DDAH1: variants seen among roughly 807,000 people sequenced by gnomAD.
DDAH1 encodes N(G),N(G)-dimethylarginine dimethylaminohydrolase 1.
A neutral mutation model predicts 28.8 loss-of-function variants in DDAH1; 19 were observed. The observed-to-expected ratio is 0.66, with a 90% CI of 0.46 to 0.97. The LOEUF is 0.97. Ranked by LOEUF, DDAH1 falls within the 50% of genes least tolerant of loss-of-function variation. The probability of loss-of-function intolerance (pLI) is 0.00; values close to 1 mark genes in which losing one functional copy is unlikely to be tolerated. For synonymous variants in DDAH1, 153 were observed against 154.4 expected, an observed-to-expected ratio of 0.99 and a Z score of 0.07; for missense variants, 326 against 375.9, an observed-to-expected ratio of 0.87 and a Z score of 1.10.
At chr1:85,371,096 C>T (rs1294492945) in intron 1 of DDAH1, among the ~76,000 whole-genome samples, 2 of 152,118 alleles carry the variant, frequency 1.3e-5, no homozygotes, top group Admixed American at 6.6e-5. Flanking sequence ...ATTACTGTTG[C>T]GAAGTTTGGT....
At chr1:85,401,796 CCTGA>C (rs796850229) in intron 1 of DDAH1, among the ~76,000 whole-genome samples, 15 of 152,170 alleles carry the variant, frequency 9.9e-5, no homozygotes, top group African/African-American at 3.1e-4. Context: ...AGCCACTGCA[CCTGA>C]CTAAGAAGCA....
At chr1:85,414,131 A>G (rs1234386419) in intron 1 of DDAH1, among the ~76,000 whole-genome samples, 9 of 152,178 alleles carry the variant, frequency 5.9e-5, no homozygotes, top group Admixed American at 3.9e-4. Context: ...TGGCATAGAG[A>G]GAGACAAATA....
chr1:85,324,608 T>G, intron 5 of DDAH1, 132 bp downstream of exon 5: 2 of 1,024,788 alleles, frequency 2.0e-6, no homozygotes, highest in Non-Finnish European at 2.8e-6. Flanking sequence ...TGCCCTAAAT[T>G]GTATTATCCT....
chr1:85,332,457 G>A (rs1647835390), intron 4 of DDAH1, among the ~76,000 whole-genome samples: 1 of 152,212 alleles, frequency 6.6e-6, no homozygotes, highest in Non-Finnish European at 1.5e-5. Context: ...CTTCACACTA[G>A]CATGTGTCCT....
chr1:85,451,397 A>C (rs748078989), intron 1 of DDAH1, among the ~76,000 whole-genome samples: 9 of 152,212 alleles, frequency 5.9e-5, no homozygotes, highest in African/African-American at 9.6e-5. Flanking sequence ...TACTCTGTGC[A>C]TGGTACTGCT....
intron 1 of DDAH1, among the ~76,000 whole-genome samples, chr1:85,455,291 A>G (rs778257771): frequency 3.9e-5 from 6 of 152,202 alleles, no homozygotes; most frequent in Non-Finnish European, 8.8e-5. Flanking sequence ...TTTTTCTTCC[A>G]TTACTATTTT....
chr1:85,431,394 G>C (rs1056006729), intron 1 of DDAH1, among the ~76,000 whole-genome samples: 5 of 152,178 alleles, frequency 3.3e-5, no homozygotes, highest in African/African-American at 1.2e-4. Context: ...TAGGACAGTT[G>C]TGCAGGGCAC....
intron 4 of DDAH1, 105 bp from the exon 5 acceptor site, chr1:85,324,988 T>G: frequency 2.3e-6 from 3 of 1,315,198 alleles, no homozygotes; most frequent in Non-Finnish European, 3.1e-6. Context: ...CACTTTAGGC[T>G]GTTCCTCTGT....
At position 85,352,095 on chromosome 1, in the gene DDAH1, T is replaced by A. The variant is rs545251805; in HGVS notation, c.404-516A>T. Among the ~76,000 whole-genome samples the A allele has an allele frequency of 7.9e-5, 12 of 152,296 alleles. No individual in the cohort carries two copies. In the South Asian group the frequency reaches 8.3e-4, roughly 11 times the overall value. ...CAGTAAAACAGTTCCTCAAATAACATCATTTTGCTCAACTTTGATGAGGAA... is the reference window on the plus strand; with the variant it reads ...CAGTAAAACAGTTCCTCAAATAACAACATTTTGCTCAACTTTGATGAGGAA... On this transcript the variant is annotated intron_variant, in intron 2 of 5. Transcript: ENST00000284031.
intron 2 of DDAH1, among the ~76,000 whole-genome samples, chr1:85,490,330 GA>G (rs1353286085): frequency 6.6e-6 from 1 of 152,152 alleles, no homozygotes; most frequent in Non-Finnish European, 1.5e-5. Flanking sequence ...AAATGAGTGG[GA>G]AAATAATGAT....
chr1:85,330,618 C>A (rs753635653), intron 4 of DDAH1, among the ~76,000 whole-genome samples: 1 of 152,200 alleles, frequency 6.6e-6, no homozygotes, highest in Non-Finnish European at 1.5e-5. Flanking sequence ...AGACTCAACT[C>A]TGAATGATAC....
chr1:85,416,917 A>G (rs1453608089), intron 1 of DDAH1, among the ~76,000 whole-genome samples: 1 of 151,822 alleles, frequency 6.6e-6, no homozygotes, highest in Non-Finnish European at 1.5e-5. Flanking sequence ...ATCTGTCTGC[A>G]TTGGCCTCCC....
intron 2 of DDAH1, among the ~76,000 whole-genome samples, chr1:85,487,937 A>T (rs1183094153): frequency 6.6e-6 from 1 of 152,162 alleles, no homozygotes; most frequent in Non-Finnish European, 1.5e-5. Flanking sequence ...TGATCCCAGC[A>T]CTTTGGGAAG....
At position 85,457,410 on chromosome 1, in the gene DDAH1, C is replaced by T. The variant is rs554995884; in HGVS notation, c.303+7333G>A. Among the ~76,000 whole-genome samples, 9 of 152,146 alleles carry T rather than the reference C, an allele frequency of 5.9e-5. No individual in the cohort carries two copies. In the South Asian group the frequency reaches 1.0e-3, roughly 18 times the overall value. On this transcript the variant is annotated intron_variant, in intron 1 of 5. Transcript: ENST00000284031. ...TGAGGTCTGTCATAAAATCTGCCCC[C>T]GTGTTCTGCAAGTGTCTGTCACTGA...
intron 1 of DDAH1, among the ~76,000 whole-genome samples, chr1:85,459,473 G>A (rs1045428698): frequency 6.6e-6 from 1 of 152,014 alleles, no homozygotes; most frequent in Non-Finnish European, 1.5e-5. Flanking sequence ...ATTTCCAAAC[G>A]TTACTGCCAA....
chr1:85,321,641 T>C (rs1049906174), intron 5 of DDAH1, 73 bp from the exon 6 acceptor site: 13 of 1,151,132 alleles, frequency 1.1e-5, no homozygotes, highest in East Asian at 2.3e-5. Flanking sequence ...GAGAATCAAT[T>C]TGATTTGTAC....
intron 1 of DDAH1, among the ~76,000 whole-genome samples, chr1:85,396,644 T>G (rs1651827209): frequency 6.6e-6 from 1 of 152,040 alleles, no homozygotes; most frequent in South Asian, 2.1e-4. Context: ...TTAAACCAAT[T>G]AGGTTTATTT....
At chr1:85,556,876 G>A (rs1202158436) in intron 1 of DDAH1, among the ~76,000 whole-genome samples, 1 of 152,206 alleles carries the variant, frequency 6.6e-6, no homozygotes. Context: ...AAGCACTTTG[G>A]GAGGCCGAGG....
intron 2 of DDAH1, among the ~76,000 whole-genome samples, chr1:85,475,431 TG>T (rs1247046470): frequency 2.0e-5 from 3 of 152,300 alleles, no homozygotes; most frequent in Admixed American, 1.3e-4. Context: ...CATTATTGGT[TG>T]GGGGAAAGCT....
Sources: allele counts gnomAD v4.1 joint callset (sites outside exome capture counted in the v4.1 genomes callset), GRCh38; gene constraint gnomAD v4.1.1; transcripts MANE v1.5; gene names NCBI Gene and HGNC (gene_info 2026-07-23, HGNC 2026-07-21).